The following SORCS2 variants were observed in gnomAD, a reference collection of about 807,000 sequenced individuals.
SORCS2 encodes sortilin related VPS10 domain containing receptor 2.
In SORCS2, 100 loss-of-function variants were observed where a neutral mutation model predicts 141.6. The ratio of observed to expected loss-of-function variants is 0.71; its 90% CI spans 0.60 to 0.83. The LOEUF (loss-of-function observed/expected upper bound fraction) is 0.83. Among genes scored for constraint, SORCS2 ranks in the 40% least tolerant of loss-of-function variants. The pLI is 0.00. For missense variants in SORCS2, 1,646 were observed against 1,560.2 expected, an observed-to-expected ratio of 1.05 and a Z score of -0.93; for synonymous variants, 789 against 676.9, an observed-to-expected ratio of 1.17 and a Z score of -2.57.
intron 2 of SORCS2, among the ~76,000 whole-genome samples, chr4:7,529,851 C>T (rs1164773785): frequency 2.6e-5 from 4 of 152,202 alleles, no homozygotes; most frequent in Non-Finnish European, 4.4e-5. Flanking sequence ...TCTTTGTTCA[C>T]TCCAGCCTGG....
In SORCS2 at chr4:7,543,974, A is replaced by AT. The variant is rs1560373931; in HGVS notation, c.648+12345_648+12346insT. Among the ~76,000 whole-genome samples, 25 of 139,490 alleles carry AT rather than the reference A, an allele frequency of 1.8e-4. No homozygotes were observed. The South Asian group carries it at 5.9e-3, about 33-fold the overall frequency. The allele number at this position is 139,490 out of a possible 152,430, so 91.5% of individuals were successfully genotyped here. On this transcript the variant is annotated intron_variant, in intron 3 of 26. Coordinates refer to ENST00000507866, the MANE Select transcript of SORCS2 (RefSeq NM_020777.3). ...CATCCATCCATCCATCCATCCATCC[A>AT]CCCATCCGTCCATCCATCCACTCAT...
At chr4:7,713,757 C>T (rs1028051749) in intron 15 of SORCS2, among the ~76,000 whole-genome samples, 1 of 152,160 alleles carries the variant, frequency 6.6e-6, no homozygotes, top group Non-Finnish European at 1.5e-5. Flanking sequence ...CTCAGATGGG[C>T]CTAGGAGGAG....
chr4:7,491,902 A>G (rs1445345640), intron 2 of SORCS2, among the ~76,000 whole-genome samples: 1 of 152,180 alleles, frequency 6.6e-6, no homozygotes, highest in Non-Finnish European at 1.5e-5. Flanking sequence ...GGCAGACAGC[A>G]GGGGCTGCCT....
chr4:7,265,448 A>T (rs542985800), intron 1 of SORCS2, among the ~76,000 whole-genome samples: 27 of 152,222 alleles, frequency 1.8e-4, no homozygotes, highest in African/African-American at 6.3e-4. Context: ...CCGAGATTGC[A>T]CCACTGCACT....
At chr4:7,273,520 G>C (rs1435650053) in intron 1 of SORCS2, among the ~76,000 whole-genome samples, 5 of 152,198 alleles carry the variant, frequency 3.3e-5, no homozygotes, top group African/African-American at 1.2e-4. Flanking sequence ...AGAGACTCAG[G>C]TGTGCCCAGT....
intron 2 of SORCS2, among the ~76,000 whole-genome samples, chr4:7,456,283 A>G (rs1343266892): frequency 1.3e-5 from 2 of 152,184 alleles, no homozygotes; most frequent in Non-Finnish European, 2.9e-5. Context: ...CCATGACAGG[A>G]GCTCACTGGT....
At chr4:7,441,352 T>C (rs928340210) in intron 2 of SORCS2, among the ~76,000 whole-genome samples, 9 of 152,072 alleles carry the variant, frequency 5.9e-5, no homozygotes, top group African/African-American at 2.2e-4. Context: ...GGAAAGGCAC[T>C]GCATACAGAG....
At chr4:7,424,892 G>A (rs1021755401) in intron 2 of SORCS2, among the ~76,000 whole-genome samples, 2 of 152,178 alleles carry the variant, frequency 1.3e-5, no homozygotes, top group African/African-American at 2.4e-5. Context: ...CACAGTGCCC[G>A]GCACCACCTC....
intron 3 of SORCS2, among the ~76,000 whole-genome samples, chr4:7,535,329 G>C (rs965551436): frequency 6.6e-6 from 1 of 152,200 alleles, no homozygotes; most frequent in African/African-American, 2.4e-5. Flanking sequence ...GTTACGGTGC[G>C]GGGCCAGGAG....
In SORCS2 at chr4:7,654,015, C is replaced by T. The variant is rs528316519; in HGVS notation, c.814-119C>T. On this transcript the variant is annotated intron_variant, in intron 4 of 26. Coordinates refer to ENST00000507866, the MANE Select transcript of SORCS2 (RefSeq NM_020777.3). ...CATGAGCACAGCGCCTCCGCGTGTC[C>T]GCTGGACAAGGATGACTTCTCCTGG... 5.2e-5 allele frequency: 51 copies of T among 973,434 alleles called. No individual in the cohort carries two copies. The African/African-American group carries it at 5.3e-4, about 10-fold the overall frequency. The allele number at this position is 973,434 out of a possible 1,614,324, so 60.3% of individuals were successfully genotyped here. A position where few individuals can be genotyped will look rare whatever the true frequency, so the allele number is the denominator to read the frequency against.
rs1012771334 is a variant in SORCS2, at chr4:7,233,076, T to G, written c.480+39950T>G. Among the ~76,000 whole-genome samples, 1 of 152,142 alleles carries G rather than the reference T, an allele frequency of 6.6e-6. No individual in the cohort carries two copies. Among genetic ancestry groups the G allele is most frequent in the African/African-American group, 2.4e-5 (1 of 41,422 alleles). On this transcript the variant is annotated intron_variant, in intron 1 of 26. Coordinates refer to ENST00000507866, the MANE Select transcript of SORCS2 (RefSeq NM_020777.3). The surrounding 1 kb of genome is among the most constrained non-coding windows in gnomAD (Gnocchi z 4.5). ...GTCAGCTGAGCCCAGGAGTCAGGCT[T>G]CGGCACCCGCATGTTCAACTACTGC... is the stretch of plus-strand genomic sequence containing the variant.
intron 3 of SORCS2, among the ~76,000 whole-genome samples, chr4:7,616,376 T>C (rs1355349543): frequency 6.6e-6 from 1 of 151,984 alleles, no homozygotes; most frequent in Admixed American, 6.6e-5. Flanking sequence ...TATCTACCCA[T>C]TCACCATCCA....
chr4:7,482,857 G>A (rs997989968), intron 2 of SORCS2, among the ~76,000 whole-genome samples: 12 of 152,148 alleles, frequency 7.9e-5, no homozygotes, highest in East Asian at 5.8e-4. Flanking sequence ...TATCCCCGCC[G>A]CGGACACCCC....
At chr4:7,480,138 C>T (rs939504815) in intron 2 of SORCS2, among the ~76,000 whole-genome samples, 9 of 152,136 alleles carry the variant, frequency 5.9e-5, no homozygotes, top group African/African-American at 1.7e-4. Context: ...TGGAGTGGAG[C>T]GGCTGTGGCT....
intron 8 of SORCS2, among the ~76,000 whole-genome samples, chr4:7,673,445 C>T (rs753934500): frequency 4.8e-4 from 73 of 152,158 alleles, no homozygotes; most frequent in Non-Finnish European, 8.7e-4. Context: ...TATGGCCCGT[C>T]CACAAAATGG....
At chr4:7,241,438 T>G (rs1712691164) in intron 1 of SORCS2, among the ~76,000 whole-genome samples, 2 of 152,152 alleles carry the variant, frequency 1.3e-5, no homozygotes, top group Admixed American at 6.5e-5. Context: ...TTTCTCCTCC[T>G]TTTCCTCACC....
At position 7,331,111 on chromosome 4, in the gene SORCS2, A is replaced by G. The variant is rs111314721; in HGVS notation, c.481-65177A>G. On this transcript the variant is annotated intron_variant, in intron 1 of 26. Transcript: ENST00000507866. ...GCCAGGGAGGGCTAGGGGCGGCGAG[A>G]GGCTGGGGGTGGGGACAGGGTGGAG... Among the ~76,000 whole-genome samples, 1,139 of 148,418 alleles carry G rather than the reference A, an allele frequency of 7.7e-3. 24 individuals carry two copies. Among genetic ancestry groups the G allele is most frequent in the African/African-American group, 0.027 (1,072 of 40,026 alleles).
At chr4:7,583,693 A>G (rs1249358732) in intron 3 of SORCS2, among the ~76,000 whole-genome samples, 1 of 152,060 alleles carries the variant, frequency 6.6e-6, no homozygotes, top group Non-Finnish European at 1.5e-5. Flanking sequence ...TGTGCTTTTC[A>G]CTTTCTGCCA....
Position 7,676,121 on chromosome 4 carries a change from C to T in SORCS2, c.1233C>T (p.Thr411=). 1 of 1,583,992 alleles carries T rather than the reference C, an allele frequency of 6.3e-7. No homozygotes were observed. Among genetic ancestry groups the T allele is most frequent in the African/African-American group, 1.3e-5 (1 of 74,408 alleles). Residue 411 remains threonine, a synonymous_variant, in exon 9 of 27, where the codon ACC becomes ACT. Coordinates refer to ENST00000507866, the MANE Select transcript of SORCS2 (RefSeq NM_020777.3). ...VAVQEWYQMD[T]YNLYQSDPRG... Reference sequence around the variant, plus strand: ...TGCAGGAGTGGTACCAGATGGACACCTACAACCTGTACCAGTCGGACCCAC... The same window carrying T: ...TGCAGGAGTGGTACCAGATGGACACTTACAACCTGTACCAGTCGGACCCAC...
Sources: gnomAD v4.1 joint callset for allele counts (sites outside exome capture counted in the v4.1 genomes callset) on GRCh38, gnomAD v4.1.1 for gene constraint, Gnocchi (gnomAD v3.1) non-coding constraint, MANE v1.5 for transcripts, NCBI Gene and HGNC (gene_info 2026-07-23, HGNC 2026-07-21) for gene names.